Variants in C5orf63 observed in about 807,000 individuals in gnomAD.
C5orf63 encodes chromosome 5 open reading frame 63.
Under a neutral mutation model 13.3 loss-of-function variants are expected in C5orf63, and 18 were observed. That is an observed-to-expected ratio of 1.36 (90% confidence interval 0.94 to 2.01). The LOEUF is 2.01. C5orf63 is among the 30% of genes most tolerant of loss of function. The probability of loss-of-function intolerance (pLI) is 0.00; values close to 1 mark genes in which losing one functional copy is unlikely to be tolerated. For missense variants in C5orf63, 118 were observed against 127.7 expected (o/e 0.92, Z 0.36); for synonymous variants, 38 against 44.7 (o/e 0.85, Z 0.60).
At chr5:127,045,614 T>C (rs1753505490) in exon 5 of C5orf63, 1 of 152,360 alleles carries the variant, frequency 6.6e-6, no homozygotes, top group African/African-American at 2.4e-5. Context: ...AATTAGGACC[T>C]GGGTATCTTT....
intron 2 of C5orf63, among the ~76,000 whole-genome samples, chr5:127,067,534 G>A (rs1451648868): frequency 6.6e-6 from 1 of 152,048 alleles, no homozygotes; most frequent in African/African-American, 2.4e-5. Context: ...ACTAAGCCTA[G>A]GTAAGACTGA....
chr5:127,065,374 T>C lies in C5orf63; in HGVS notation c.-8+6210A>G, dbSNP rs1010678024. Among the ~76,000 whole-genome samples, 3 of 152,024 alleles carry C rather than the reference T, an allele frequency of 2.0e-5. No homozygotes were observed. In the East Asian group the frequency reaches 5.8e-4, roughly 29 times the overall value. ...ATATAATTCAAATGTTATAAGAGAA[T>C]GGGAAAGAAGAGTACTATAGGCTAA... On this transcript the variant is annotated intron_variant, in intron 2 of 4. Coordinates refer to ENST00000296662, the MANE Select transcript of C5orf63 (RefSeq NM_001164478.2).
chr5:127,071,475 T>C (rs777626866), intron 2 of C5orf63, 109 bp downstream of exon 2: 4 of 152,368 alleles, frequency 2.6e-5, no homozygotes, highest in Non-Finnish European at 5.9e-5. Flanking sequence ...GCCAAAACTT[T>C]TCATTTGCAT....
intron 3 of C5orf63, among the ~76,000 whole-genome samples, chr5:127,054,599 T>C (rs1237088797): frequency 6.6e-6 from 1 of 152,246 alleles, no homozygotes; most frequent in Non-Finnish European, 1.5e-5. Context: ...TTTTTTCTTG[T>C]AAATTTGTTT....
chr5:127,064,418 C>T (rs1016269815), intron 2 of C5orf63, among the ~76,000 whole-genome samples: 4 of 152,142 alleles, frequency 2.6e-5, no homozygotes, highest in Non-Finnish European at 5.9e-5. Context: ...CCAACTCAAA[C>T]AAAATGTTGC....
intron 2 of C5orf63, among the ~76,000 whole-genome samples, chr5:127,061,266 A>C (rs17165244): frequency 0.081 from 12,327 of 152,246 alleles, 702 homozygotes; most frequent in African/African-American, 0.16. Flanking sequence ...CACTAGAGAC[A>C]AGGCTCCTCA....
intron 3 of C5orf63, among the ~76,000 whole-genome samples, chr5:127,058,505 C>T (rs1052327680): frequency 6.6e-6 from 1 of 152,114 alleles, no homozygotes; most frequent in East Asian, 1.9e-4. Context: ...CTCATAGGAA[C>T]CTAACTGTGT....
In C5orf63 at chr5:127,062,854, G is replaced by A. The variant is rs552736056; in HGVS notation, c.-7-3852C>T. On this transcript the variant is annotated intron_variant, in intron 2 of 4. Coordinates refer to ENST00000296662, the MANE Select transcript of C5orf63 (RefSeq NM_001164478.2). ...GAGAGGACAACACTTTTTTGATTAT[G>A]TCATTGAATTTAGTCATGAAATATG... 2.0e-5 allele frequency among the ~76,000 whole-genome samples: 3 copies of A among 152,148 alleles called. No homozygotes were observed. In the South Asian group the frequency reaches 6.2e-4, roughly 32 times the overall value.
chr5:127,046,507 CT>C (rs1753523823), downstream of C5orf63: 1 of 152,272 alleles, frequency 6.6e-6, no homozygotes. Flanking sequence ...CCTGACTTCT[CT>C]TGAGTATGGT....
At chr5:127,046,086 C>T (rs898942369) in exon 5 of C5orf63, 1 of 152,218 alleles carries the variant, frequency 6.6e-6, no homozygotes, top group Non-Finnish European at 1.5e-5. Context: ...ACTCAGTGGG[C>T]TCTCAAATGT....
At chr5:127,070,415 A>G (rs1754492939) in intron 2 of C5orf63, among the ~76,000 whole-genome samples, 2 of 152,202 alleles carry the variant, frequency 1.3e-5, no homozygotes, top group Non-Finnish European at 2.9e-5. Context: ...GAGGAAATTC[A>G]TTTGTTTCCA....
intron 2 of C5orf63, among the ~76,000 whole-genome samples, chr5:127,068,409 G>C (rs1006990491): frequency 2.0e-5 from 3 of 152,076 alleles, no homozygotes; most frequent in Non-Finnish European, 4.4e-5. Flanking sequence ...AATCATAACT[G>C]GGAAGTGTTG....
At chr5:127,058,639 C>T (rs1753979732) in intron 3 of C5orf63, 3 of 430,058 alleles carry the variant, frequency 7.0e-6, no homozygotes, top group Non-Finnish European at 1.2e-5. Flanking sequence ...CATATTATAA[C>T]CTATACTTCA....
intron 2 of C5orf63, among the ~76,000 whole-genome samples, chr5:127,062,477 A>G (rs1754144816): frequency 6.6e-6 from 1 of 152,230 alleles, no homozygotes; most frequent in South Asian, 2.1e-4. Flanking sequence ...ATAAAATTAT[A>G]TTAGAGCCTG....
chr5:127,059,307 C>G (rs1754008610), intron 2 of C5orf63, among the ~76,000 whole-genome samples: 1 of 152,198 alleles, frequency 6.6e-6, no homozygotes, highest in South Asian at 2.1e-4. Flanking sequence ...AAAATTTCAT[C>G]TGCAGATTTT....
chr5:127,048,846 A>G (rs934661226), downstream of C5orf63, among the ~76,000 whole-genome samples: 4 of 152,206 alleles, frequency 2.6e-5, no homozygotes, highest in East Asian at 1.9e-4. Context: ...AAGGGAACCA[A>G]TGGATTTTCT....
rs1753665714 is a variant in C5orf63, at chr5:127,051,334, GCA to G, written c.*435_*436del. The G allele has an allele frequency of 7.3e-6, 9 of 1,230,986 alleles. No homozygotes were observed. Among genetic ancestry groups the G allele is most frequent in the Non-Finnish European group, 7.1e-6 (7 of 987,472 alleles). The allele number at this position is 1,230,986 out of a possible 1,614,324, so 76.3% of individuals were successfully genotyped here. A position where few individuals can be genotyped will look rare whatever the true frequency, so the allele number is the denominator to read the frequency against. Reference sequence around the variant, plus strand: ...CTTAAAACATCGCTTTATTGACCGTGCACAGTTATTAACAATTCACATTTCAC... The same window carrying G: ...CTTAAAACATCGCTTTATTGACCGTGCAGTTATTAACAATTCACATTTCAC... On this transcript the variant is annotated 3_prime_UTR_variant, in exon 5 of 5. Coordinates refer to ENST00000296662, the MANE Select transcript of C5orf63 (RefSeq NM_001164478.2).
At chr5:127,071,124 A>G (rs566183828) in intron 2 of C5orf63, among the ~76,000 whole-genome samples, 60 of 152,348 alleles carry the variant, frequency 3.9e-4, no homozygotes, top group African/African-American at 1.3e-3. Flanking sequence ...GCCATGTATT[A>G]GAAATATAAA....
chr5:127,047,214 A>T (rs1246104869), downstream of C5orf63: 1 of 153,848 alleles, frequency 6.5e-6, no homozygotes, highest in Non-Finnish European at 1.4e-5. Flanking sequence ...GGGGGAAAAA[A>T]AGGAAGCTTG....
Sources: allele counts gnomAD v4.1 joint callset (sites outside exome capture counted in the v4.1 genomes callset), GRCh38; gene constraint gnomAD v4.1.1; transcripts MANE v1.5; gene names NCBI Gene and HGNC (gene_info 2026-07-23, HGNC 2026-07-21).